The following CNTNAP5 variants were observed in gnomAD, a reference collection of about 807,000 sequenced individuals.
CNTNAP5 encodes contactin-associated protein-like 5.
A neutral mutation model predicts 150.2 loss-of-function variants in CNTNAP5; 72 were observed. The ratio of observed to expected loss-of-function variants is 0.48; its 90% confidence interval spans 0.40 to 0.58. The LOEUF (loss-of-function observed/expected upper bound fraction) is 0.58, where lower values mean the gene tolerates loss of function less well. Ranked by LOEUF, CNTNAP5 falls within the 20% of genes least tolerant of loss-of-function variation. The pLI, the probability that CNTNAP5 is intolerant of heterozygous loss-of-function variation, is 0.00. For synonymous variants in CNTNAP5, 672 were observed against 619.8 expected (o/e 1.08, Z -1.25); for missense variants, 1,636 against 1,626.2 (o/e 1.01, Z -0.10).
chr2:124,350,125 G>A (rs60854804), intron 3 of CNTNAP5, among the ~76,000 whole-genome samples: 1 of 151,634 alleles, frequency 6.6e-6, no homozygotes, highest in Non-Finnish European at 1.5e-5. Context: ...CTCGTGATCC[G>A]CCCGCCTTTG....
chr2:124,892,931 C>G (rs1232997328), intron 21 of CNTNAP5, among the ~76,000 whole-genome samples: 1 of 152,046 alleles, frequency 6.6e-6, no homozygotes, highest in Non-Finnish European at 1.5e-5. Context: ...CGCATTATCA[C>G]CTTATTAGGT....
chr2:124,455,176 GA>G (rs146989901), intron 6 of CNTNAP5, among the ~76,000 whole-genome samples: 5 of 151,452 alleles, frequency 3.3e-5, no homozygotes, highest in African/African-American at 4.8e-5. Flanking sequence ...AAAAAGAAGA[GA>G]AAAAATCCAA....
chr2:124,178,791 T>G (rs1345304718), intron 1 of CNTNAP5, among the ~76,000 whole-genome samples: 1 of 152,146 alleles, frequency 6.6e-6, no homozygotes, highest in African/African-American at 2.4e-5. Flanking sequence ...TTATCCTGCT[T>G]GAACTCTAGA....
At chr2:124,311,741 G>C (rs559497013) in intron 3 of CNTNAP5, among the ~76,000 whole-genome samples, 10 of 152,148 alleles carry the variant, frequency 6.6e-5, no homozygotes, top group Non-Finnish European at 1.3e-4. Flanking sequence ...TGACGGTCAC[G>C]TGTATTCACT....
chr2:124,844,138 C>T (rs1435892308), intron 19 of CNTNAP5, among the ~76,000 whole-genome samples: 1 of 151,766 alleles, frequency 6.6e-6, no homozygotes, highest in African/African-American at 2.4e-5. Flanking sequence ...ATCTTTATGG[C>T]TTTAGGTCTT....
At chr2:124,285,999 T>C (rs1239805793) in intron 3 of CNTNAP5, among the ~76,000 whole-genome samples, 1 of 152,170 alleles carries the variant, frequency 6.6e-6, no homozygotes, top group Non-Finnish European at 1.5e-5. Context: ...TTGTTATTAA[T>C]AATATTTTCA....
intron 17 of CNTNAP5, among the ~76,000 whole-genome samples, chr2:124,788,324 G>T (rs887730437): frequency 6.6e-6 from 1 of 152,246 alleles, no homozygotes; most frequent in South Asian, 2.1e-4. Flanking sequence ...TAATTTTCAA[G>T]AAACATATAA....
rs1558785424 is a variant in CNTNAP5 at position 124,811,957 on chromosome 2, T to TTTTTTATA, written c.3217+13637_3217+13638insTTTTTATA. Among the ~76,000 whole-genome samples, 241 of 117,050 alleles carry TTTTTTATA rather than the reference T, an allele frequency of 2.1e-3. 4 individuals carry two copies. Among genetic ancestry groups the TTTTTTATA allele is most frequent in the Non-Finnish European group, 3.4e-3 (206 of 60,192 alleles). 76.8% of individuals were successfully genotyped at this position (117,050 alleles called of 152,430 possible). A position where few individuals can be genotyped will look rare whatever the true frequency, so the allele number is the denominator to read the frequency against. ...ACCTCCATCTCAAAAAATATATATATATATATTTTTTATAATATATATAAA... is the reference window on the plus strand; with the variant it reads ...ACCTCCATCTCAAAAAATATATATATTTTTTATAATATATTTTTTATAATATATATAAA... On this transcript the variant is annotated intron_variant, in intron 19 of 23. Transcript: ENST00000682447.
chr2:124,248,921 T>G (rs1687097487), intron 3 of CNTNAP5, among the ~76,000 whole-genome samples: 1 of 152,222 alleles, frequency 6.6e-6, no homozygotes, highest in South Asian at 2.1e-4. Context: ...TTAATTCTCC[T>G]AAATCCACTG....
intron 22 of CNTNAP5, among the ~76,000 whole-genome samples, chr2:124,904,545 A>G (rs1678488185): frequency 6.6e-6 from 1 of 152,188 alleles, no homozygotes; most frequent in Non-Finnish European, 1.5e-5. Flanking sequence ...GACTAATAGA[A>G]TGGAATAGAG....
intron 8 of CNTNAP5, among the ~76,000 whole-genome samples, chr2:124,514,538 T>A (rs1694662431): frequency 6.6e-6 from 1 of 152,208 alleles, no homozygotes; most frequent in South Asian, 2.1e-4. Flanking sequence ...CACTGGGTAC[T>A]GTGGTTGAAC....
intron 7 of CNTNAP5, among the ~76,000 whole-genome samples, chr2:124,483,099 C>T (rs1693797176): frequency 6.6e-6 from 1 of 152,146 alleles, no homozygotes; most frequent in Admixed American, 6.5e-5. Context: ...TTCTCCTTTA[C>T]CTCTTCCCTG....
chr2:124,521,759 A>G (rs1694851326), intron 8 of CNTNAP5, among the ~76,000 whole-genome samples: 2 of 152,204 alleles, frequency 1.3e-5, no homozygotes, highest in South Asian at 4.1e-4. Context: ...AGATGTATTC[A>G]AATGAGTATG....
In CNTNAP5 at chr2:124,187,633, C is replaced by A. The variant is rs149138861; in HGVS notation, c.83-34072C>A. Among the ~76,000 whole-genome samples the A allele has an allele frequency of 3.9e-3, 588 of 152,144 alleles. 3 individuals carry two copies. The highest frequency in any genetic ancestry group is 0.014 in the African/African-American group (566 of 41,512). On this transcript the variant is annotated intron_variant, in intron 1 of 23. Coordinates refer to ENST00000682447, the MANE Select transcript of CNTNAP5 (RefSeq NM_001367498.1). ...TTCTCAAAAACAAGGTGGTGAGTTG[C>A]CCAAATAGGAACTTCACTGGTATAA...
intron 1 of CNTNAP5, among the ~76,000 whole-genome samples, chr2:124,140,312 C>G (rs532136790): frequency 6.6e-6 from 1 of 151,958 alleles, no homozygotes; most frequent in African/African-American, 2.4e-5. Context: ...CTGCCTGCCT[C>G]TGTAGGCTCC....
In CNTNAP5 at chr2:124,410,131, G is replaced by A. The variant is rs375478144; in HGVS notation, c.382-7312G>A. 3.2e-4 allele frequency among the ~76,000 whole-genome samples: 49 copies of A among 151,826 alleles called. No individual in the cohort carries two copies. In the East Asian group the frequency reaches 7.2e-3, roughly 22 times the overall value. On this transcript the variant is annotated intron_variant, in intron 3 of 23. Coordinates refer to ENST00000682447, the MANE Select transcript of CNTNAP5 (RefSeq NM_001367498.1). ...CCAACAAAGATCAAAAGAGACAAAG[G>A]AGGCCATTACATAATGGTAAAGGGA...
At chr2:124,057,343 G>A (rs996479154) in intron 1 of CNTNAP5, among the ~76,000 whole-genome samples, 3 of 147,722 alleles carry the variant, frequency 2.0e-5, no homozygotes, top group Non-Finnish European at 3.0e-5. Context: ...GTGCAGTGGC[G>A]TGATCTCGGC....
chr2:124,181,203 A>G (rs1685200070), intron 1 of CNTNAP5, among the ~76,000 whole-genome samples: 1 of 152,090 alleles, frequency 6.6e-6, no homozygotes, highest in Non-Finnish European at 1.5e-5. Flanking sequence ...TTAGATATTT[A>G]TTTGAATAAC....
At chr2:124,105,446 T>A (rs761258257) in intron 1 of CNTNAP5, among the ~76,000 whole-genome samples, 1 of 152,218 alleles carries the variant, frequency 6.6e-6, no homozygotes, top group Non-Finnish European at 1.5e-5. Context: ...TTTGCACCGA[T>A]GTACACTCCA....
Sources: gnomAD v4.1 joint callset for allele counts (sites outside exome capture counted in the v4.1 genomes callset) on GRCh38, gnomAD v4.1.1 for gene constraint, MANE v1.5 for transcripts, NCBI Gene and HGNC (gene_info 2026-07-23, HGNC 2026-07-21) for gene names.